SLC17A1: variants seen among roughly 807,000 people sequenced by gnomAD.
SLC17A1 encodes the protein solute carrier family 17 member 1.
In SLC17A1, 51 loss-of-function variants were observed where a neutral mutation model predicts 53.5. The ratio of observed to expected loss-of-function variants is 0.95; its 90% CI spans 0.76 to 1.20. The LOEUF (loss-of-function observed/expected upper bound fraction) is 1.20, where lower values mean the gene tolerates loss of function less well. Among genes scored for constraint, SLC17A1 ranks in the 50% most tolerant of loss-of-function variants. The pLI, the probability that SLC17A1 is intolerant of heterozygous loss-of-function variation, is 0.00. For synonymous variants in SLC17A1, 179 were observed against 198.8 expected, an observed-to-expected ratio of 0.90 and a Z score of 0.84; for missense variants, 538 against 568.2, an observed-to-expected ratio of 0.95 and a Z score of 0.54.
At chr6:25,797,931 A>T (rs1171072377) in intron 12 of SLC17A1, among the ~76,000 whole-genome samples, 1 of 152,108 alleles carries the variant, frequency 6.6e-6, no homozygotes, top group Non-Finnish European at 1.5e-5. Flanking sequence ...TACAGTTTAG[A>T]TTTGCTAATG....
At chr6:25,786,519 C>T (rs937451023) in intron 12 of SLC17A1, among the ~76,000 whole-genome samples, 2 of 152,030 alleles carry the variant, frequency 1.3e-5, no homozygotes, top group African/African-American at 4.8e-5. Context: ...ATAGCCAGGC[C>T]CAAGGGACCA....
At chr6:25,731,927 G>A in the SLC17A1 span, 21 of 1,601,552 alleles carry the variant, frequency 1.3e-5, no homozygotes, top group East Asian at 4.5e-5. Flanking sequence ...GCGCCAGGCG[G>A]GAAGCCTCAC....
At chr6:25,795,340 G>T (rs1342758023) in intron 12 of SLC17A1, among the ~76,000 whole-genome samples, 1 of 152,104 alleles carries the variant, frequency 6.6e-6, no homozygotes, top group African/African-American at 2.4e-5. Flanking sequence ...TGATATTTTG[G>T]AAGGAGAAAA....
the SLC17A1 span, chr6:25,770,381 C>T: frequency 6.2e-7 from 1 of 1,614,036 alleles, no homozygotes; most frequent in Non-Finnish European, 8.5e-7. Context: ...TTTTTCCCCC[C>T]AGGTTATGGT....
At chr6:25,734,924 T>C in the SLC17A1 span, among the ~76,000 whole-genome samples, 1 of 152,206 alleles carries the variant, frequency 6.6e-6, no homozygotes, top group South Asian at 2.1e-4. Flanking sequence ...CAGATTTAAG[T>C]AACAACTGCA....
the SLC17A1 span, among the ~76,000 whole-genome samples, chr6:25,728,369 A>G: frequency 1.3e-5 from 2 of 152,212 alleles, no homozygotes; most frequent in East Asian, 1.9e-4. Context: ...GCTCCCAAGC[A>G]TTAAACTGAT....
At chr6:25,755,601 T>C in the SLC17A1 span, among the ~76,000 whole-genome samples, 1 of 152,180 alleles carries the variant, frequency 6.6e-6, no homozygotes, top group South Asian at 2.1e-4. Context: ...GATATAAGAA[T>C]GGCTGGCTCC....
chr6:25,779,180 C>T (rs912834777), downstream of SLC17A1: 10 of 1,613,542 alleles, frequency 6.2e-6, no homozygotes, highest in Non-Finnish European at 5.9e-6. Context: ...GACATTCACC[C>T]ACCTCTGAGC....
At chr6:25,782,396 A>G (rs1285338848), downstream of SLC17A1, among the ~76,000 whole-genome samples, 1 of 152,188 alleles carries the variant, frequency 6.6e-6, no homozygotes, top group Non-Finnish European at 1.5e-5. Context: ...ATTATTTTGT[A>G]GCATCTTTAA....
intron 10 of SLC17A1, among the ~76,000 whole-genome samples, chr6:25,803,555 A>T (rs1763855987): frequency 6.6e-6 from 1 of 152,072 alleles, no homozygotes; most frequent in Non-Finnish European, 1.5e-5. Context: ...TCTAGAGGAG[A>T]TATAATATCT....
intron 10 of SLC17A1, among the ~76,000 whole-genome samples, chr6:25,801,907 A>G (rs1763774894): frequency 6.8e-6 from 1 of 146,502 alleles, no homozygotes; most frequent in Non-Finnish European, 1.5e-5. Context: ...CTTTTTGACG[A>G]TCTAGGGAGT....
At chr6:25,773,374 T>G in the SLC17A1 span, 1 of 1,613,860 alleles carries the variant, frequency 6.2e-7, no homozygotes, top group Non-Finnish European at 8.5e-7. Context: ...AGATACATTG[T>G]GTGTTCATTG....
the SLC17A1 span, chr6:25,732,787 A>ATCCTTTGGGAC: frequency 1.2e-6 from 1 of 844,740 alleles, no homozygotes; most frequent in Non-Finnish European, 1.8e-6. Context: ...TGCTGTCCCA[A>ATCCTTTGGGAC]AGGATTGGGA....
At chr6:25,810,213 T>C (rs1311332796) in intron 10 of SLC17A1, among the ~76,000 whole-genome samples, 2 of 152,056 alleles carry the variant, frequency 1.3e-5, no homozygotes, top group African/African-American at 4.8e-5. Flanking sequence ...AATGATTTTT[T>C]TGGTTAGGAT....
intron 12 of SLC17A1, among the ~76,000 whole-genome samples, chr6:25,788,579 G>A (rs559315406): frequency 1.1e-4 from 16 of 152,316 alleles, no homozygotes; most frequent in African/African-American, 3.8e-4. Context: ...TCTGAGCTGG[G>A]TGACAGCCTC....
the SLC17A1 span, among the ~76,000 whole-genome samples, chr6:25,734,991 G>A: frequency 1.3e-5 from 2 of 152,224 alleles, no homozygotes; most frequent in Non-Finnish European, 2.9e-5. Context: ...AGTTCTCAGA[G>A]CCACACACCC....
At chr6:25,805,717 C>T (rs764028467) in intron 10 of SLC17A1, among the ~76,000 whole-genome samples, 40 of 151,826 alleles carry the variant, frequency 2.6e-4, no homozygotes, top group African/African-American at 8.2e-4. Flanking sequence ...ATACAAAAGA[C>T]CATTAGAGAC....
intron 11 of SLC17A1, 125 bp from the exon 12 acceptor site, chr6:25,799,044 T>C (rs989394923): frequency 2.1e-5 from 17 of 801,808 alleles, no homozygotes; most frequent in South Asian, 2.9e-5. Flanking sequence ...AACATACTTA[T>C]ACATAGCCGA....
intron 12 of SLC17A1, among the ~76,000 whole-genome samples, chr6:25,793,787 A>G (rs1581451745): frequency 1.3e-5 from 2 of 152,214 alleles, no homozygotes; most frequent in East Asian, 3.8e-4. Context: ...ATTTCCTTCC[A>G]TTATGAATGT....
Sources: gnomAD v4.1 joint callset for allele counts (sites outside exome capture counted in the v4.1 genomes callset) on GRCh38, gnomAD v4.1.1 for gene constraint, MANE v1.5 for transcripts, NCBI Gene and HGNC (gene_info 2026-07-23, HGNC 2026-07-21) for gene names.